Variants in PPP3CB observed in about 807,000 individuals in gnomAD.
PPP3CB encodes the protein serine/threonine-protein phosphatase 2B catalytic subunit beta isoform.
PPP3CB carries 8 observed loss-of-function variants against 66.4 expected under a neutral mutation model. The observed-to-expected ratio is 0.12, with a 90% CI of 0.07 to 0.22. PPP3CB has a LOEUF of 0.22. Among genes scored for constraint, PPP3CB ranks in the 10% least tolerant of loss-of-function variants. PPP3CB has a pLI of 1.00. For missense variants in PPP3CB, 319 were observed against 642.5 expected (o/e 0.50, Z 5.44); for synonymous variants, 208 against 221.2 (o/e 0.94, Z 0.53).
intron 1 of PPP3CB, among the ~76,000 whole-genome samples, chr10:73,491,109 C>T (rs1056114060): frequency 2.1e-5 from 3 of 141,718 alleles, no homozygotes; most frequent in African/African-American, 7.7e-5. Context: ...CGGCTCACTG[C>T]AATCTCCGCC....
At chr10:73,454,391 T>A in intron 10 of PPP3CB, 21 bp downstream of exon 10, 7 of 1,551,044 alleles carry the variant, frequency 4.5e-6, no homozygotes, top group South Asian at 2.3e-5. Context: ...AAAAAAAAAA[T>A]AGTAAGATGA....
chr10:73,495,245 C>G (rs558715113), intron 1 of PPP3CB, among the ~76,000 whole-genome samples: 1 of 152,316 alleles, frequency 6.6e-6, no homozygotes, highest in African/African-American at 2.4e-5. Context: ...CACCGTGATC[C>G]AATCCCACAA....
At chr10:73,489,803 G>A (rs1306685537) in intron 1 of PPP3CB, among the ~76,000 whole-genome samples, 1 of 152,054 alleles carries the variant, frequency 6.6e-6, no homozygotes, top group Non-Finnish European at 1.5e-5. Flanking sequence ...ACATACTTTT[G>A]CCATACATTT....
At chr10:73,441,507 A>G (rs928222664) in intron 12 of PPP3CB, among the ~76,000 whole-genome samples, 2 of 152,168 alleles carry the variant, frequency 1.3e-5, no homozygotes, top group African/African-American at 4.8e-5. Context: ...GGGAAGCTGA[A>G]GCAGGAAGAT....
chr10:73,474,449 G>C (rs1185350199), intron 4 of PPP3CB, among the ~76,000 whole-genome samples: 1 of 151,308 alleles, frequency 6.6e-6, no homozygotes, highest in Non-Finnish European at 1.5e-5. Context: ...TTTTTTTTGA[G>C]ACAGGGTCTG....
At chr10:73,447,518 A>G (rs1395229642) in intron 10 of PPP3CB, among the ~76,000 whole-genome samples, 1 of 152,168 alleles carries the variant, frequency 6.6e-6, no homozygotes. Flanking sequence ...CACACATGGA[A>G]GCACCATGGT....
At chr10:73,458,879 G>C (rs1342605436) in intron 9 of PPP3CB, among the ~76,000 whole-genome samples, 2 of 151,580 alleles carry the variant, frequency 1.3e-5, no homozygotes, top group African/African-American at 4.9e-5. Flanking sequence ...AGACCAGCCT[G>C]ACCAACATGG....
intron 7 of PPP3CB, 52 bp from the exon 8 acceptor site, chr10:73,470,833 A>C: frequency 6.3e-7 from 1 of 1,587,884 alleles, no homozygotes; most frequent in Non-Finnish European, 8.6e-7. Context: ...CATGGTTACT[A>C]AGTTTGATTT....
chr10:73,480,367 C>G (rs914756791), intron 1 of PPP3CB, among the ~76,000 whole-genome samples: 2 of 152,018 alleles, frequency 1.3e-5, no homozygotes, highest in African/African-American at 4.8e-5. Context: ...ATACTCATTT[C>G]CACCTAAACT....
chr10:73,480,440 A>ATT lies in PPP3CB; in HGVS notation c.86-925_86-924dup, dbSNP rs57553384. Among the ~76,000 whole-genome samples the ATT allele has an allele frequency of 1.6e-3, 194 of 123,886 alleles. 1 individual carries two copies. The highest frequency in any genetic ancestry group is 4.0e-3 in the Middle Eastern group (1 of 250). 81.3% of individuals were successfully genotyped at this position (123,886 alleles called of 152,430 possible). On this transcript the variant is annotated intron_variant, in intron 1 of 13. Transcript: ENST00000360663. ...TTACCACTGCAAATTTATCCCTGTA[A>ATT]TTTTTTTTTTTTTTTTTTTTTTGAG...
At chr10:73,484,826 T>G (rs1479722654) in intron 1 of PPP3CB, among the ~76,000 whole-genome samples, 2 of 151,872 alleles carry the variant, frequency 1.3e-5, no homozygotes, top group Admixed American at 1.3e-4. Flanking sequence ...TCGAGGCAGG[T>G]GGATCACCTG....
intron 10 of PPP3CB, among the ~76,000 whole-genome samples, chr10:73,451,435 A>G (rs1236473677): frequency 6.6e-6 from 1 of 152,152 alleles, no homozygotes; most frequent in East Asian, 1.9e-4. Flanking sequence ...ATACAGATGT[A>G]TTAATTTAAC....
chr10:73,472,783 G>T (rs971360473), intron 4 of PPP3CB, among the ~76,000 whole-genome samples: 4 of 152,054 alleles, frequency 2.6e-5, no homozygotes, highest in African/African-American at 9.7e-5. Context: ...ACTTTAAAAT[G>T]GGCAGTGAAG....
chr10:73,444,887 T>A (rs181611169), intron 11 of PPP3CB, 65 bp from the exon 12 acceptor site: 4 of 1,519,956 alleles, frequency 2.6e-6, no homozygotes, highest in Non-Finnish European at 2.7e-6. Context: ...AAAGAAGACA[T>A]AGGGTCTAGA....
intron 10 of PPP3CB, among the ~76,000 whole-genome samples, chr10:73,451,655 C>T (rs1220724084): frequency 1.3e-5 from 2 of 151,392 alleles, no homozygotes; most frequent in Admixed American, 1.3e-4. Flanking sequence ...GTAATCCCAG[C>T]GCTTTTTGAG....
chr10:73,459,282 A>T (rs2056482085), intron 9 of PPP3CB, among the ~76,000 whole-genome samples: 1 of 152,104 alleles, frequency 6.6e-6, no homozygotes, highest in African/African-American at 2.4e-5. Context: ...AGGTCAGGAG[A>T]TTGAGATCAT....
intron 12 of PPP3CB, among the ~76,000 whole-genome samples, chr10:73,441,030 A>C (rs1005571736): frequency 6.6e-6 from 1 of 152,232 alleles, no homozygotes; most frequent in Non-Finnish European, 1.5e-5. Flanking sequence ...GAATATTTGT[A>C]AAAGTAATGC....
intron 13 of PPP3CB, among the ~76,000 whole-genome samples, chr10:73,438,642 C>T (rs774900687): frequency 3.7e-4 from 57 of 152,108 alleles, no homozygotes; most frequent in Non-Finnish European, 6.0e-4. Flanking sequence ...CAAGTGTTAG[C>T]AAAGCCTTCC....
rs545902445 is a variant in PPP3CB at position 73,442,167 on chromosome 10, G to A, written c.1367-2266C>T. Among the ~76,000 whole-genome samples, 28 of 152,244 alleles carry A rather than the reference G, an allele frequency of 1.8e-4. No homozygotes were observed. The South Asian group carries it at 5.8e-3, about 32-fold the overall frequency. On this transcript the variant is annotated intron_variant, in intron 12 of 13. Coordinates refer to ENST00000360663, the MANE Select transcript of PPP3CB (RefSeq NM_021132.4). ...CTATCAAGAGCTAGCAAAACTAGAA[G>A]CTATCTAGTTTAAGGGGTCCCAAAT...
Sources: gnomAD v4.1 joint callset for allele counts (sites outside exome capture counted in the v4.1 genomes callset) on GRCh38, gnomAD v4.1.1 for gene constraint, MANE v1.5 for transcripts, NCBI Gene and HGNC (gene_info 2026-07-23, HGNC 2026-07-21) for gene names.